The following ASAP2 variants were observed in gnomAD, a reference collection of about 807,000 sequenced individuals.
The protein encoded by ASAP2 is arf-GAP with SH3 domain, ANK repeat and PH domain-containing protein 2.
ASAP2 carries 45 observed loss-of-function variants against 131.4 expected under a neutral mutation model. That is an observed-to-expected ratio of 0.34 (90% CI 0.27 to 0.44). The LOEUF is 0.44. Among genes scored for constraint, ASAP2 ranks in the 20% least tolerant of loss-of-function variants. ASAP2 has a pLI of 1.00. For missense variants in ASAP2, 1,011 were observed against 1,297.0 expected (o/e 0.78, Z 3.39); for synonymous variants, 510 against 503.0 (o/e 1.01, Z -0.19).
In ASAP2 at chr2:9,234,640, T is replaced by C. The variant is rs77021823; in HGVS notation, c.126+27410T>C. On this transcript the variant is annotated intron_variant, in intron 1 of 27. Coordinates refer to ENST00000281419, the MANE Select transcript of ASAP2 (RefSeq NM_003887.3). ...TTGTGTGGATCCAGAAGCTGGGCTGTTTCTAATCAGTTAAAATGAGTAGGT... is the reference window on the plus strand; with the variant it reads ...TTGTGTGGATCCAGAAGCTGGGCTGCTTCTAATCAGTTAAAATGAGTAGGT... Among the ~76,000 whole-genome samples, 468 of 151,912 alleles carry C rather than the reference T, an allele frequency of 3.1e-3. 5 individuals carry two copies. The highest frequency in any genetic ancestry group is 0.011 in the African/African-American group (439 of 41,444).
At chr2:9,299,809 G>A (rs947451301) in intron 3 of ASAP2, among the ~76,000 whole-genome samples, 1 of 152,104 alleles carries the variant, frequency 6.6e-6, no homozygotes, top group African/African-American at 2.4e-5. Context: ...TGATTGTGTG[G>A]ATAGATTATA....
At chr2:9,354,137 C>T (rs1672532520) in intron 12 of ASAP2, among the ~76,000 whole-genome samples, 1 of 152,164 alleles carries the variant, frequency 6.6e-6, no homozygotes, top group Non-Finnish European at 1.5e-5. Context: ...CCCATAGGCA[C>T]CCTGGGAGGG....
chr2:9,210,541 G>C (rs186441263), intron 1 of ASAP2, among the ~76,000 whole-genome samples: 1 of 151,954 alleles, frequency 6.6e-6, no homozygotes, highest in Non-Finnish European at 1.5e-5. Context: ...AAACACTACC[G>C]TGTATCTGTT....
chr2:9,317,746 TCACA>T (rs558214336), intron 3 of ASAP2, among the ~76,000 whole-genome samples: 14 of 147,676 alleles, frequency 9.5e-5, no homozygotes, highest in Non-Finnish European at 2.0e-4. Context: ...ACATCCACAC[TCACA>T]CTCACATCCG....
chr2:9,285,504 A>T (rs1306196876), intron 2 of ASAP2, among the ~76,000 whole-genome samples: 1 of 152,180 alleles, frequency 6.6e-6, no homozygotes, highest in Non-Finnish European at 1.5e-5. Context: ...TTTTCTGGAG[A>T]GTCTTAGCTT....
Position 9,263,476 on chromosome 2 carries a change from G to A in ASAP2, c.127-15841G>A, listed in dbSNP as rs144692276. Among the ~76,000 whole-genome samples, 247 of 152,310 alleles carry A rather than the reference G, an allele frequency of 1.6e-3. 2 individuals carry two copies. Among genetic ancestry groups the A allele is most frequent in the African/African-American group, 5.5e-3 (229 of 41,568 alleles). On this transcript the variant is annotated intron_variant, in intron 1 of 27. Transcript: ENST00000281419. ...TCACTCCCCCAGAGCTCCCAGAAAAGTCTCTAGGACTTTTCTTCCCCCTAA... is the reference window on the plus strand; with the variant it reads ...TCACTCCCCCAGAGCTCCCAGAAAAATCTCTAGGACTTTTCTTCCCCCTAA...
Position 9,388,554 on chromosome 2 carries a change from G to T in ASAP2, c.2383+8G>T, listed in dbSNP as rs984843448. The T allele has an allele frequency of 6.2e-7, 1 of 1,610,584 alleles. No individual in the cohort carries two copies. The highest frequency in any genetic ancestry group is 1.3e-5 in the African/African-American group (1 of 74,666). On this transcript the variant is annotated splice_region_variant and intron_variant, in intron 22 of 27. Transcript: ENST00000281419. ...CACGGAATGTTGGCAAAGGTATGAA[G>T]CTGTCCGTCATCCCTGTGAATATAT...
At chr2:9,293,297 A>T (rs1041570005) in intron 2 of ASAP2, among the ~76,000 whole-genome samples, 9 of 152,164 alleles carry the variant, frequency 5.9e-5, no homozygotes, top group African/African-American at 1.4e-4. Context: ...ATTGAGAAGA[A>T]ACGAAGTCTT....
chr2:9,306,223 A>T (rs1216038294), intron 3 of ASAP2, among the ~76,000 whole-genome samples: 1 of 141,176 alleles, frequency 7.1e-6, no homozygotes, highest in African/African-American at 2.7e-5. Flanking sequence ...TACCACGTGG[A>T]GAGTTGTAGT....
chr2:9,251,535 A>T (rs989495732), intron 1 of ASAP2, among the ~76,000 whole-genome samples: 1 of 152,096 alleles, frequency 6.6e-6, no homozygotes, highest in Admixed American at 6.6e-5. Flanking sequence ...AGTAAAGATA[A>T]CGTGCATTTT....
At chr2:9,399,761 C>A (rs1274256046) in intron 24 of ASAP2, 1 of 531,346 alleles carries the variant, frequency 1.9e-6, no homozygotes. Flanking sequence ...TCACTCCAGA[C>A]CCTGGCCATC....
chr2:9,305,482 G>C (rs1477263786), intron 3 of ASAP2, among the ~76,000 whole-genome samples: 2 of 144,674 alleles, frequency 1.4e-5, no homozygotes, highest in Non-Finnish European at 3.1e-5. Flanking sequence ...GTGGGGTATA[G>C]ATATTGGTGG....
intron 3 of ASAP2, among the ~76,000 whole-genome samples, chr2:9,308,318 G>A (rs1669082304): frequency 6.6e-6 from 1 of 152,104 alleles, no homozygotes; most frequent in African/African-American, 2.4e-5. Flanking sequence ...GAGGCGGGAG[G>A]TGCCACACAC....
At chr2:9,393,748 C>T (rs1044281471) in intron 24 of ASAP2, 101 bp downstream of exon 24, 4 of 1,264,092 alleles carry the variant, frequency 3.2e-6, no homozygotes, top group Non-Finnish European at 4.3e-6. Context: ...GGCTCCTACT[C>T]CAGCGTGGGC....
At chr2:9,306,412 C>G (rs1050888619) in intron 3 of ASAP2, among the ~76,000 whole-genome samples, 1 of 151,858 alleles carries the variant, frequency 6.6e-6, no homozygotes, top group South Asian at 2.1e-4. Context: ...GTTTCCCAGA[C>G]TTTCTTAAAG....
intron 3 of ASAP2, among the ~76,000 whole-genome samples, chr2:9,310,453 T>G (rs1367041353): frequency 6.6e-6 from 1 of 152,224 alleles, no homozygotes; most frequent in African/African-American, 2.4e-5. Context: ...TCTAGACCTT[T>G]GAGGCTAGAG....
intron 9 of ASAP2, among the ~76,000 whole-genome samples, chr2:9,337,372 T>C (rs943230665): frequency 6.6e-6 from 1 of 152,212 alleles, no homozygotes; most frequent in Admixed American, 6.5e-5. Flanking sequence ...TTTAAAATGA[T>C]TTTTATGATG....
intron 3 of ASAP2, among the ~76,000 whole-genome samples, chr2:9,308,484 C>T (rs867121956): frequency 1.3e-5 from 2 of 152,168 alleles, no homozygotes; most frequent in Admixed American, 6.5e-5. Flanking sequence ...CAGACCCAAA[C>T]CACATCAGTG....
intron 2 of ASAP2, among the ~76,000 whole-genome samples, chr2:9,290,193 G>A (rs943078856): frequency 2.0e-5 from 3 of 151,938 alleles, no homozygotes; most frequent in Admixed American, 1.3e-4. Context: ...ATATTCTAAT[G>A]TTATTTATTT....
Sources: allele counts gnomAD v4.1 joint callset (sites outside exome capture counted in the v4.1 genomes callset), GRCh38; gene constraint gnomAD v4.1.1; transcripts MANE v1.5; gene names NCBI Gene and HGNC (gene_info 2026-07-23, HGNC 2026-07-21).